PDE3B: variants seen among roughly 807,000 people sequenced by gnomAD.
PDE3B encodes phosphodiesterase 3B.
A neutral mutation model predicts 116.8 loss-of-function variants in PDE3B; 66 were observed. The observed-to-expected ratio is 0.56, with a 90% CI of 0.46 to 0.69. The LOEUF (loss-of-function observed/expected upper bound fraction) is 0.69, where lower values mean the gene tolerates loss of function less well. Among genes scored for constraint, PDE3B ranks in the 30% least tolerant of loss-of-function variants. The probability of loss-of-function intolerance (pLI) is 0.00; values close to 1 mark genes in which losing one functional copy is unlikely to be tolerated. For synonymous variants in PDE3B, 595 were observed against 533.6 expected (o/e 1.12, Z -1.59); for missense variants, 1,384 against 1,368.1 (o/e 1.01, Z -0.18).
chr11:14,710,731 A>G (rs1037961918), intron 1 of PDE3B, among the ~76,000 whole-genome samples: 2 of 152,196 alleles, frequency 1.3e-5, no homozygotes, highest in Non-Finnish European at 2.9e-5. Flanking sequence ...AGAGAGACAG[A>G]GACTGAGGGA....
intron 14 of PDE3B, among the ~76,000 whole-genome samples, chr11:14,864,008 G>A (rs928299419): frequency 6.6e-6 from 1 of 152,174 alleles, no homozygotes; most frequent in Non-Finnish European, 1.5e-5. Context: ...GGCACAGACT[G>A]GCAAATTGGA....
intron 11 of PDE3B, among the ~76,000 whole-genome samples, chr11:14,843,264 C>T (rs563941230): frequency 5.3e-4 from 80 of 152,156 alleles, no homozygotes; most frequent in South Asian, 3.5e-3. Flanking sequence ...TTTCATTTTC[C>T]ACTATTTTTT....
chr11:14,783,691 G>T lies in PDE3B; in HGVS notation c.1030-2746G>T, dbSNP rs143456445. Among the ~76,000 whole-genome samples, 277 of 151,928 alleles carry T rather than the reference G, an allele frequency of 1.8e-3. 1 individual carries two copies. Among genetic ancestry groups the T allele is most frequent in the African/African-American group, 6.3e-3 (261 of 41,416 alleles). On this transcript the variant is annotated intron_variant, in intron 2 of 15. Transcript: ENST00000282096. ...AGGAGTTGATGGGTGCAGCACACCA[G>T]CATGGCACATGTATACATATGTAAC...
At chr11:14,773,412 T>G (rs755470106) in intron 2 of PDE3B, 1 of 152,148 alleles carries the variant, frequency 6.6e-6, no homozygotes, top group African/African-American at 2.4e-5. Flanking sequence ...TGTTGGCCTA[T>G]AAATTCTTAC....
At chr11:14,707,613 T>A (rs1185247921) in intron 1 of PDE3B, among the ~76,000 whole-genome samples, 2 of 152,100 alleles carry the variant, frequency 1.3e-5, no homozygotes, top group East Asian at 3.9e-4. Context: ...AGAAACCAGG[T>A]CTGATTATTG....
At chr11:14,706,380 T>G (rs1855536118) in intron 1 of PDE3B, among the ~76,000 whole-genome samples, 1 of 151,964 alleles carries the variant, frequency 6.6e-6, no homozygotes, top group Non-Finnish European at 1.5e-5. Context: ...ATAATTCAGT[T>G]AAGAAGGTGA....
the PDE3B span, among the ~76,000 whole-genome samples, chr11:14,879,904 T>G: frequency 3.9e-5 from 6 of 152,134 alleles, no homozygotes; most frequent in African/African-American, 1.4e-4. Flanking sequence ...AGACACACAG[T>G]GTTTTTTCTC....
intron 11 of PDE3B, among the ~76,000 whole-genome samples, chr11:14,837,325 C>T (rs1429631611): frequency 1.3e-5 from 2 of 152,134 alleles, no homozygotes; most frequent in Admixed American, 1.3e-4. Flanking sequence ...AGTCCTTATT[C>T]CTCTTTGCTT....
chr11:14,748,978 G>A (rs752515232), intron 1 of PDE3B, among the ~76,000 whole-genome samples: 4 of 149,742 alleles, frequency 2.7e-5, no homozygotes, highest in East Asian at 3.9e-4. Flanking sequence ...AGCTTCCGCC[G>A]CCTGGGTTCA....
intron 1 of PDE3B, among the ~76,000 whole-genome samples, chr11:14,685,892 T>C (rs2133800113): frequency 6.6e-6 from 1 of 152,326 alleles, no homozygotes; most frequent in East Asian, 1.9e-4. Context: ...CATGGAGTTT[T>C]GGCTGTGAAA....
intron 5 of PDE3B, among the ~76,000 whole-genome samples, chr11:14,812,199 CTG>C (rs991042009): frequency 1.3e-5 from 2 of 152,068 alleles, no homozygotes; most frequent in African/African-American, 4.8e-5. Flanking sequence ...TTGCACAACT[CTG>C]TGGATTTCTA....
chr11:14,764,516 A>G (rs1026732727), intron 1 of PDE3B, among the ~76,000 whole-genome samples: 6 of 152,112 alleles, frequency 3.9e-5, no homozygotes, highest in Admixed American at 1.3e-4. Flanking sequence ...GCACTGCTAC[A>G]TTGCTAGCAT....
intron 1 of PDE3B, among the ~76,000 whole-genome samples, chr11:14,762,693 G>T (rs1857394571): frequency 6.6e-6 from 1 of 152,184 alleles, no homozygotes; most frequent in Non-Finnish European, 1.5e-5. Context: ...AGGAGGCTTT[G>T]GTAATGATTT....
rs1372672925 is a variant in PDE3B at position 14,789,174 on chromosome 11, T to A, written c.1347T>A (p.Pro449=). 4 of 1,610,988 alleles carry A rather than the reference T, an allele frequency of 2.5e-6. No individual in the cohort carries two copies. The South Asian group carries it at 4.4e-5, about 18-fold the overall frequency. ...GCTCAGGAACTTCAGGATTGCTACC[T>A]GTTGAACAGTCTTCAAGGTGGGATC... is the stretch of plus-strand genomic sequence containing the variant. ...RRSSGTSGLL[P]VEQSSRWDRN... Residue 449 remains proline (P), a synonymous_variant, in exon 4 of 16, where the codon CCT becomes CCA. Coordinates refer to ENST00000282096, the MANE Select transcript of PDE3B (RefSeq NM_000922.4).
At chr11:14,846,553 TAA>T (rs1459624704) in intron 12 of PDE3B, among the ~76,000 whole-genome samples, 10 of 152,084 alleles carry the variant, frequency 6.6e-5, no homozygotes, top group Non-Finnish European at 1.0e-4. Flanking sequence ...GCAAATTGGA[TAA>T]AGAGTCAAGA....
intron 1 of PDE3B, among the ~76,000 whole-genome samples, chr11:14,750,286 G>A (rs1346632181): frequency 6.6e-6 from 1 of 151,954 alleles, no homozygotes; most frequent in East Asian, 1.9e-4. Context: ...ACTCAGTCAA[G>A]TTAACACATA....
At position 14,801,610 on chromosome 11, in the gene PDE3B, G is replaced by C. The variant is rs1858768370; in HGVS notation, c.1416-2334G>C. ...TGTCTTCCAGTCAGGATACATGGGG[G>C]TCAGGGACCCACTTGAGGAGGTAGT... On this transcript the variant is annotated intron_variant, in intron 4 of 15. Coordinates refer to ENST00000282096, the MANE Select transcript of PDE3B (RefSeq NM_000922.4). Among the ~76,000 whole-genome samples, 3 of 152,188 alleles carry C rather than the reference G, an allele frequency of 2.0e-5. No individual in the cohort carries two copies. In the South Asian group the frequency reaches 6.2e-4, roughly 31 times the overall value.
At position 14,850,429 on chromosome 11, in the gene PDE3B, G is replaced by A. The variant is rs918580036; in HGVS notation, c.2520+6403G>A. Among the ~76,000 whole-genome samples, 3 of 151,782 alleles carry A rather than the reference G, an allele frequency of 2.0e-5. No homozygotes were observed. The East Asian group carries it at 5.8e-4, about 29-fold the overall frequency. On this transcript the variant is annotated intron_variant, in intron 12 of 15. Coordinates refer to ENST00000282096, the MANE Select transcript of PDE3B (RefSeq NM_000922.4). ...GGTGCAGCACACCAGCATGGCACATGTATACATATGTAACTAACCTGCACA... is the reference window on the plus strand; with the variant it reads ...GGTGCAGCACACCAGCATGGCACATATATACATATGTAACTAACCTGCACA...
intron 2 of PDE3B, among the ~76,000 whole-genome samples, chr11:14,783,714 A>G (rs1858104539): frequency 6.6e-6 from 1 of 152,158 alleles, no homozygotes; most frequent in South Asian, 2.1e-4. Flanking sequence ...ATACATATGT[A>G]ACAAACCTGC....
Sources: allele counts gnomAD v4.1 joint callset (sites outside exome capture counted in the v4.1 genomes callset), GRCh38; gene constraint gnomAD v4.1.1; transcripts MANE v1.5; gene names NCBI Gene and HGNC (gene_info 2026-07-23, HGNC 2026-07-21).